Variants in CARMIL1 observed in about 807,000 individuals in gnomAD.
The protein encoded by CARMIL1 is capping protein regulator and myosin 1 linker 1, also known as F-actin-uncapping protein LRRC16A.
A neutral mutation model predicts 177.1 loss-of-function variants in CARMIL1; 90 were observed. That is an observed-to-expected ratio of 0.51 (90% CI 0.43 to 0.61). CARMIL1 has a LOEUF of 0.61. Ranked by LOEUF, CARMIL1 falls within the 20% of genes least tolerant of loss-of-function variation. The pLI is 0.00. For missense variants in CARMIL1, 1,380 were observed against 1,667.0 expected (o/e 0.83, Z 3.00); for synonymous variants, 577 against 606.2 (o/e 0.95, Z 0.71).
intron 8 of CARMIL1, among the ~76,000 whole-genome samples, chr6:25,456,961 T>C (rs1300968711): frequency 6.6e-6 from 1 of 151,666 alleles, no homozygotes; most frequent in Non-Finnish European, 1.5e-5. Context: ...ACTGCTGTCA[T>C]TTTTTCCTAA....
intron 2 of CARMIL1, among the ~76,000 whole-genome samples, chr6:25,387,689 T>C (rs1028209141): frequency 6.6e-6 from 1 of 152,198 alleles, no homozygotes; most frequent in Admixed American, 6.5e-5. Context: ...ACACAATGAG[T>C]GTGAGGAACT....
At chr6:25,321,630 AATTTT>A (rs1784675410) in intron 2 of CARMIL1, among the ~76,000 whole-genome samples, 1 of 151,924 alleles carries the variant, frequency 6.6e-6, no homozygotes. Context: ...TCTTTTAATT[AATTTT>A]ATTTATTTCA....
chr6:25,300,610 C>CT lies in CARMIL1; in HGVS notation c.138+15702dup, dbSNP rs374283612. On this transcript the variant is annotated intron_variant, in intron 2 of 36. Transcript: ENST00000329474. ...GTTGCAGTGGGCTGAGATCGTGCTACTGCACTCCAGCCTGGGTGACAGAGT... is the reference window on the plus strand; with the variant it reads ...GTTGCAGTGGGCTGAGATCGTGCTACTTGCACTCCAGCCTGGGTGACAGAGT... Among the ~76,000 whole-genome samples the CT allele has an allele frequency of 3.6e-3, 547 of 152,350 alleles. 2 individuals are homozygous for CT. Among genetic ancestry groups the CT allele is most frequent in the African/African-American group, 0.012 (509 of 41,588 alleles).
intron 32 of CARMIL1, among the ~76,000 whole-genome samples, chr6:25,595,305 GC>G (rs1480609696): frequency 6.6e-6 from 1 of 152,176 alleles, no homozygotes; most frequent in Non-Finnish European, 1.5e-5. Flanking sequence ...ACAAACATAA[GC>G]CAGATAAGCC....
chr6:25,606,052 T>G lies in CARMIL1; in HGVS notation c.3635-9T>G. 6.3e-7 allele frequency: 1 copy of G among 1,596,760 alleles called. No individual in the cohort carries two copies. The highest frequency in any genetic ancestry group is 8.5e-7 in the Non-Finnish European group (1 of 1,171,870). On this transcript the variant is annotated splice_polypyrimidine_tract_variant and intron_variant, in intron 34 of 36. Transcript: ENST00000329474. ...CCTTTGATTTTTAAAGTGGCCTTTTTCATCTTAGTGCCTAAACTGCACCCA... is the reference window on the plus strand; with the variant it reads ...CCTTTGATTTTTAAAGTGGCCTTTTGCATCTTAGTGCCTAAACTGCACCCA...
At chr6:25,374,774 A>AT (rs775869529) in intron 2 of CARMIL1, among the ~76,000 whole-genome samples, 1 of 151,808 alleles carries the variant, frequency 6.6e-6, no homozygotes, top group Non-Finnish European at 1.5e-5. Context: ...ATATAATGGC[A>AT]TTTTTTGTCT....
At chr6:25,504,517 C>G (rs1351112431) in intron 17 of CARMIL1, among the ~76,000 whole-genome samples, 3 of 152,066 alleles carry the variant, frequency 2.0e-5, no homozygotes, top group Non-Finnish European at 4.4e-5. Context: ...GAGTTGCTTT[C>G]TTACAATACA....
chr6:25,465,730 GT>G (rs1475862313), intron 8 of CARMIL1, 142 bp from the exon 9 acceptor site: 6 of 636,320 alleles, frequency 9.4e-6, no homozygotes, highest in Non-Finnish European at 1.7e-5. Flanking sequence ...TGAGAACTTA[GT>G]TGTTGTCTAG....
intron 13 of CARMIL1, among the ~76,000 whole-genome samples, chr6:25,491,292 A>G (rs371569181): frequency 4.6e-5 from 7 of 152,190 alleles, no homozygotes; most frequent in East Asian, 3.8e-4. Context: ...GACAGAAGAG[A>G]GGATAGCCTG....
intron 8 of CARMIL1, among the ~76,000 whole-genome samples, chr6:25,464,773 T>C (rs1427443794): frequency 1.3e-5 from 2 of 152,052 alleles, no homozygotes; most frequent in East Asian, 3.9e-4. Flanking sequence ...AGGAGAGGAC[T>C]TAAGGAGGTG....
intron 31 of CARMIL1, among the ~76,000 whole-genome samples, chr6:25,588,259 G>A (rs1459096650): frequency 6.6e-6 from 1 of 152,152 alleles, no homozygotes; most frequent in Non-Finnish European, 1.5e-5. Flanking sequence ...GGTAACACTA[G>A]CTACTATATG....
At chr6:25,452,567 G>A (rs1799084954) in intron 8 of CARMIL1, 1 of 186,284 alleles carries the variant, frequency 5.4e-6, no homozygotes, top group Admixed American at 5.8e-5. Context: ...ATTAAAAAGT[G>A]ACACTAATAA....
chr6:25,450,672 G>C lies in CARMIL1; in HGVS notation c.575G>C (p.Arg192Thr). The change falls in exon 8 of 37, where the codon AGG becomes ACG. Residue 192 changes from arginine to threonine, a missense_variant. Transcript: ENST00000329474. ...ACAATTTATCTTACCCAAGACACCAGGGAATTGAATTTACAAGATTTTAGT... is the reference window on the plus strand; with the variant it reads ...ACAATTTATCTTACCCAAGACACCACGGAATTGAATTTACAAGATTTTAGT... ...VDTIYLTQDT[R>T]ELNLQDFSHL... 1 of 1,606,778 alleles carries C rather than the reference G, an allele frequency of 6.2e-7. No individual in the cohort carries two copies. The highest frequency in any genetic ancestry group is 8.5e-7 in the Non-Finnish European group (1 of 1,175,670).
At chr6:25,472,335 T>C in intron 10 of CARMIL1, 92 bp from the exon 11 acceptor site, 2 of 838,384 alleles carry the variant, frequency 2.4e-6, no homozygotes, top group South Asian at 3.2e-5. Flanking sequence ...GAGGTTTCTC[T>C]ATTTAGATTT....
chr6:25,486,959 T>A (rs868400395), intron 12 of CARMIL1, among the ~76,000 whole-genome samples: 3 of 152,042 alleles, frequency 2.0e-5, no homozygotes, highest in Non-Finnish European at 4.4e-5. Context: ...AAAAAAAAAA[T>A]GATCTTATTT....
intron 2 of CARMIL1, among the ~76,000 whole-genome samples, chr6:25,363,685 A>G (rs1359123811): frequency 1.3e-5 from 2 of 152,216 alleles, no homozygotes; most frequent in Non-Finnish European, 2.9e-5. Flanking sequence ...TATGCAATTT[A>G]TGCATCATTT....
At chr6:25,607,468 C>T (rs768363284) in intron 35 of CARMIL1, among the ~76,000 whole-genome samples, 5 of 152,112 alleles carry the variant, frequency 3.3e-5, no homozygotes, top group Non-Finnish European at 5.9e-5. Flanking sequence ...CTCCATTTTA[C>T]GGATGAGGAA....
intron 3 of CARMIL1, among the ~76,000 whole-genome samples, chr6:25,421,089 G>T (rs1795816862): frequency 6.6e-6 from 1 of 152,218 alleles, no homozygotes; most frequent in Admixed American, 6.5e-5. Context: ...CTAATCAAGG[G>T]AGGCTGGCTG....
chr6:25,420,053 C>G (rs529825276), intron 2 of CARMIL1, 61 bp from the exon 3 acceptor site: 6 of 1,348,730 alleles, frequency 4.4e-6, no homozygotes, highest in Non-Finnish European at 6.4e-6. Flanking sequence ...CGTGGAAACA[C>G]CAAAGCCCAC....
Sources: gnomAD v4.1 joint callset for allele counts (sites outside exome capture counted in the v4.1 genomes callset) on GRCh38, gnomAD v4.1.1 for gene constraint, MANE v1.5 for transcripts, NCBI Gene and HGNC (gene_info 2026-07-23, HGNC 2026-07-21) for gene names.